Variants in NEB observed in about 807,000 individuals in gnomAD.
The protein encoded by NEB is nebulin.
A neutral mutation model predicts 952.2 loss-of-function variants in NEB; 512 were observed. That is an observed-to-expected ratio of 0.54 (90% CI 0.50 to 0.58). NEB has a LOEUF of 0.58. Ranked by LOEUF, NEB falls within the 20% of genes least tolerant of loss-of-function variation. The pLI is 0.00. For missense variants in NEB, 8,428 were observed against 9,231.1 expected (o/e 0.91, Z 3.56); for synonymous variants, 2,900 against 3,149.8 (o/e 0.92, Z 2.66).
At chr2:151,562,255 G>T in intron 120 of NEB, 41 bp from the exon 121 acceptor site, 1 of 1,470,494 alleles carries the variant, frequency 6.8e-7, no homozygotes, top group Non-Finnish European at 9.5e-7. Context: ...AAGGTATTCT[G>T]AATTTACAAT....
chr2:151,639,682 C>A (rs550556368), intron 62 of NEB, among the ~76,000 whole-genome samples, 175 bp downstream of exon 62: 146 of 152,138 alleles, frequency 9.6e-4, no homozygotes, highest in African/African-American at 3.3e-3. Flanking sequence ...GACTAAATAT[C>A]AAAATATACA....
Position 151,644,077 on chromosome 2 carries a change from C to G in NEB, c.7697G>C (p.Arg2566Pro), listed in dbSNP as rs564304837. The change falls in exon 57 of 182, where the codon CGG (arginine) becomes CCG (proline). Residue 2566 changes from arginine (R) to proline (P), a missense_variant. This residue lies in a region of NEB where 1,772 missense variants were observed against 1,960.3 expected (regional missense o/e 0.90). Coordinates refer to ENST00000397345, the MANE Select transcript of NEB (RefSeq NM_001164508.2). ...CATCTTGGGGTCATCTTCAATGTTC[C>G]GGGCACCAATGTGGTGGCCGAGCTG... ...RKQLGHHIGARNIEDDPKMMW... is the reference protein window; with the variant it reads ...RKQLGHHIGAPNIEDDPKMMW... The G allele has an allele frequency of 1.9e-6, 3 of 1,613,954 alleles. No homozygotes were observed. Among genetic ancestry groups the G allele is most frequent in the Non-Finnish European group, 2.5e-6 (3 of 1,179,874 alleles).
At chr2:151,680,894 C>T (rs1410354462) in intron 29 of NEB, 66 bp from the exon 30 acceptor site, 46 of 1,254,692 alleles carry the variant, frequency 3.7e-5, no homozygotes, top group Non-Finnish European at 5.4e-5. Flanking sequence ...CGTCAAAATC[C>T]TTGAAATTTA....
chr2:151,565,838 GAT>G lies in NEB; in HGVS notation c.18157-20_18157-19del, dbSNP rs2096348223. 6.5e-7 allele frequency: 1 copy of G among 1,545,492 alleles called. No individual in the cohort carries two copies. The highest frequency in any genetic ancestry group is 1.8e-5 in the Admixed American group (1 of 56,604). On this transcript the variant is annotated intron_variant, in intron 114 of 181. Transcript: ENST00000397345. The stretch of plus-strand genomic sequence containing the variant: ...TAGACATTCTGAGAGCAGGAAGAGA[GAT>G]ATAATGGAGGAATAAATGACTGAGA...
chr2:151,510,945 C>A (rs573391302), intron 161 of NEB, among the ~76,000 whole-genome samples: 30 of 152,206 alleles, frequency 2.0e-4, no homozygotes, highest in Non-Finnish European at 4.0e-4. Flanking sequence ...TGTGGAAACA[C>A]AAGCACCATC....
chr2:151,610,380 G>C, intron 80 of NEB, 136 bp downstream of exon 80: 1 of 744,070 alleles, frequency 1.3e-6, no homozygotes, highest in African/African-American at 1.8e-5. Context: ...TAACAACAAA[G>C]GGAATGGTCT....
intron 40 of NEB, 36 bp from the exon 41 acceptor site, chr2:151,666,437 G>A (rs1316138708): frequency 6.3e-7 from 1 of 1,586,434 alleles, no homozygotes; most frequent in South Asian, 1.1e-5. Context: ...AAGTTGGCTA[G>A]CATAGAAGTC....
chr2:151,730,670 A>G (rs1234756633), intron 3 of NEB, among the ~76,000 whole-genome samples: 2 of 149,428 alleles, frequency 1.3e-5, no homozygotes, highest in Non-Finnish European at 3.0e-5. Flanking sequence ...CCTTTTTCTT[A>G]TCTTTAACAC....
At chr2:151,723,542 T>C in intron 8 of NEB, 56 bp from the exon 9 acceptor site, 1 of 1,266,484 alleles carries the variant, frequency 7.9e-7, no homozygotes. Context: ...TTACACAAAA[T>C]ACATAGTTTT....
At chr2:151,571,586 C>A (rs2096629636) in intron 107 of NEB, among the ~76,000 whole-genome samples, 1 of 151,808 alleles carries the variant, frequency 6.6e-6, no homozygotes, top group African/African-American at 2.4e-5. Context: ...TGATCCATAT[C>A]ATTTGGTAAT....
At chr2:151,634,268 C>T (rs543627504) in intron 64 of NEB, among the ~76,000 whole-genome samples, 1 of 152,100 alleles carries the variant, frequency 6.6e-6, no homozygotes, top group African/African-American at 2.4e-5. Flanking sequence ...ACATTTGAAC[C>T]AGGGAACCTG....
chr2:151,540,348 C>T lies in NEB; in HGVS notation c.20888G>A (p.Ser6963Asn). 6.4e-7 allele frequency: 1 copy of T among 1,568,526 alleles called. No homozygotes were observed. The highest frequency in any genetic ancestry group is 8.7e-7 in the Non-Finnish European group (1 of 1,152,406). Residue 6963 changes from serine to asparagine, a missense_variant, in exon 138 of 182, where the codon AGT becomes AAT. Physicochemically the swap from Ser to Asn is conservative, Grantham distance 46. Transcript: ENST00000397345. ...AAAAAAGGAAGGGATGCATACATCA[C>T]TGGCATTCCAGTAAGCCCTCTTGGC... The part of the protein sequence containing the change: ...IRAKRAYWNA[S>N]DLRYKETFQK...
chr2:151,554,853 C>G, intron 125 of NEB, 78 bp downstream of exon 125: 1 of 1,078,348 alleles, frequency 9.3e-7, no homozygotes, highest in Non-Finnish European at 1.4e-6. Context: ...GATGTTAGCA[C>G]AACAATGAAA....
chr2:151,724,917 G>C lies in NEB; in HGVS notation c.447C>G (p.His149Gln). The C allele has an allele frequency of 6.2e-7, 1 of 1,613,648 alleles. No homozygotes were observed. The highest frequency in any genetic ancestry group is 8.5e-7 in the Non-Finnish European group (1 of 1,179,810). Residue 149 changes from histidine (H) to glutamine (Q), a missense_variant, in exon 7 of 182, where the codon CAC (histidine) becomes CAG (glutamine). Physicochemically the swap from His to Gln is conservative, Grantham distance 24. Around this residue, in one of 11 missense-constraint regions of NEB, gnomAD observed 2,851 missense variants for 2,791.5 expected, o/e 1.02. Coordinates refer to ENST00000397345, the MANE Select transcript of NEB (RefSeq NM_001164508.2). ...MDGDVAKTIC[H>Q]VDEKAKDIEH... ...CAATATCCTTTGCTTTTTCATCTAC[G>C]TGACATATAGTCTTAGCAACATCAC... is the stretch of plus-strand genomic sequence containing the variant.
At chr2:151,630,253 T>G (rs529518948) in intron 67 of NEB, among the ~76,000 whole-genome samples, 12 of 152,314 alleles carry the variant, frequency 7.9e-5, no homozygotes, top group Non-Finnish European at 1.5e-4. Flanking sequence ...TAATCAATGT[T>G]GTTGATAGAG....
At chr2:151,671,431 G>A in intron 37 of NEB, 1 of 493,468 alleles carries the variant, frequency 2.0e-6, no homozygotes, top group Non-Finnish European at 3.5e-6. Context: ...ACACAGAAGG[G>A]AATCTAGGTC....
rs1286607427 is a variant in NEB, at chr2:151,672,395, T to C, written c.4273A>G (p.Arg1425Gly). The C allele has an allele frequency of 6.2e-7, 1 of 1,605,340 alleles. No homozygotes were observed. The highest frequency in any genetic ancestry group is 8.5e-7 in the Non-Finnish European group (1 of 1,173,502). The change falls in exon 37 of 182, where the codon AGG becomes GGG. Residue 1425 changes from arginine (R) to glycine (G), a missense_variant. Arg to Gly is a moderately radical substitution (Grantham distance 125). This residue lies in a region of NEB where 2,851 missense variants were observed against 2,791.5 expected (regional missense o/e 1.02). Transcript: ENST00000397345. ...TCACTCTGAATTTGATTGACATTCC[T>C]CGTATGCTCAAGACTCATGGCGTCA... is the stretch of plus-strand genomic sequence containing the variant. ...LPDAMSLEHT[R>G]NVNQIQSDNV...
In NEB at chr2:151,617,466, G is replaced by T; in HGVS notation, c.11079C>A (p.Arg3693=). The T allele has an allele frequency of 7.0e-7, 1 of 1,422,572 alleles. No homozygotes were observed. The highest frequency in any genetic ancestry group is 9.3e-7 in the Non-Finnish European group (1 of 1,077,128). 88.1% of individuals were successfully genotyped at this position (1,422,572 alleles called of 1,614,324 possible). ...AKNNALNMNK[R]LYTEAWDNDK... is the part of the protein sequence containing the mutation. Reference sequence around the variant, plus strand: ...CATTGTCCCAGGCTTCAGTATATAAGCGCTACAAAAAAAAAAAAAAAAGAG... The same window carrying T: ...CATTGTCCCAGGCTTCAGTATATAATCGCTACAAAAAAAAAAAAAAAAGAG... The change falls in exon 75 of 182, where the codon CGC becomes CGA. Residue 3693 remains arginine, a splice_region_variant and synonymous_variant. Coordinates refer to ENST00000397345, the MANE Select transcript of NEB (RefSeq NM_001164508.2).
At chr2:151,655,737 T>C in intron 50 of NEB, 80 bp downstream of exon 50, 1 of 1,448,984 alleles carries the variant, frequency 6.9e-7, no homozygotes, top group Non-Finnish European at 9.6e-7. Flanking sequence ...GGACCTTAAT[T>C]AGATTTCTCC....
Sources: allele counts gnomAD v4.1 joint callset (sites outside exome capture counted in the v4.1 genomes callset), GRCh38; gene constraint gnomAD v4.1.1; regional missense constraint gnomAD v4.1.1; transcripts MANE v1.5; gene names NCBI Gene and HGNC (gene_info 2026-07-23, HGNC 2026-07-21).